The following DHX16 variants were observed in gnomAD, a reference collection of about 807,000 sequenced individuals.
DHX16 encodes DEAH-box helicase 16.
DHX16 carries 81 observed loss-of-function variants against 131.2 expected under a neutral mutation model. The observed-to-expected ratio is 0.62, with a 90% confidence interval of 0.52 to 0.74. The LOEUF (loss-of-function observed/expected upper bound fraction) is 0.74, where lower values mean the gene tolerates loss of function less well. Ranked by LOEUF, DHX16 falls within the 30% of genes least tolerant of loss-of-function variation. The probability of loss-of-function intolerance (pLI) is 0.00; values close to 1 mark genes in which losing one functional copy is unlikely to be tolerated. For synonymous variants in DHX16, 440 were observed against 520.2 expected, an observed-to-expected ratio of 0.85 and a Z score of 2.10; for missense variants, 980 against 1,363.1, an observed-to-expected ratio of 0.72 and a Z score of 4.43.
Position 30,671,109 on chromosome 6 carries a change from G to A in DHX16, c.373C>T (p.Arg125Trp), listed in dbSNP as rs367665735. ...GSSLQKKRKK[R>W]KHLRKKREEE... ...TCACGCTTCTTCCTGAGGTGTTTCC[G>A]CTTTTTACGTTTCTTCTGGAGGCTG... The change falls in exon 2 of 20, where the codon CGG (arginine) becomes TGG (tryptophan). Residue 125 changes from arginine to tryptophan, a missense_variant. Arg to Trp is a moderately radical substitution (Grantham distance 101). Around this residue, in one of 3 missense-constraint regions of DHX16, gnomAD observed 457 missense variants for 554.8 expected, o/e 0.82. Coordinates refer to ENST00000376442, the MANE Select transcript of DHX16 (RefSeq NM_003587.5). 5.0e-6 allele frequency: 8 copies of A among 1,612,838 alleles called. No individual in the cohort carries two copies. The highest frequency in any genetic ancestry group is 1.3e-5 in the African/African-American group (1 of 74,844).
intron 11 of DHX16, 26 bp from the exon 12 acceptor site, chr6:30,659,650 A>T: frequency 1.9e-6 from 3 of 1,613,826 alleles, no homozygotes; most frequent in Non-Finnish European, 2.5e-6. Context: ...GGAGAGCAGC[A>T]GGGGTCCCAG....
At position 30,656,146 on chromosome 6, in the gene DHX16, G is replaced by C. The variant is rs529483608; in HGVS notation, c.2498+52C>G. 1.3e-6 allele frequency: 2 copies of C among 1,555,432 alleles called. No individual in the cohort carries two copies. Among genetic ancestry groups the C allele is most frequent in the Non-Finnish European group, 1.8e-6 (2 of 1,131,406 alleles). On this transcript the variant is annotated intron_variant, in intron 16 of 19. Coordinates refer to ENST00000376442, the MANE Select transcript of DHX16 (RefSeq NM_003587.5). This position sits in a 1 kb window ranked among gnomAD's most constrained non-coding sequence, Gnocchi z 5.1. ...AGACAAAGGGGACCCTGGAGACAGA[G>C]GAGGCCTGGCCTGTTTGTGTGCTGG...
rs570434969 is a variant in DHX16 at position 30,661,349 on chromosome 6, C to T, written c.1545-1107G>A. 4.6e-5 allele frequency among the ~76,000 whole-genome samples: 7 copies of T among 152,248 alleles called. No homozygotes were observed. In the South Asian group the frequency reaches 1.5e-3, roughly 32 times the overall value. On this transcript the variant is annotated intron_variant, in intron 9 of 19. Coordinates refer to ENST00000376442, the MANE Select transcript of DHX16 (RefSeq NM_003587.5). ...CCGCCTGCCTCTGCCTCCCAAAGTG[C>T]TGGGATTACAGGCGTGAGCCACCGC...
At position 30,662,770 on chromosome 6, in the gene DHX16, G is replaced by A. The variant is rs749775891; in HGVS notation, c.1429-28C>T. Reference sequence around the variant, plus strand: ...GGTCAAGGGAACCATTAGCAACCAAGTGTGGGCTGGTGTGCCCTGAAAGGA... The same window carrying A: ...GGTCAAGGGAACCATTAGCAACCAAATGTGGGCTGGTGTGCCCTGAAAGGA... On this transcript the variant is annotated intron_variant, in intron 8 of 19. Transcript: ENST00000376442. The surrounding 1 kb of genome is among the most constrained non-coding windows in gnomAD (Gnocchi z 4.7). The A allele has an allele frequency of 2.6e-5, 42 of 1,600,204 alleles. 1 individual carries two copies. The South Asian group carries it at 4.6e-4, about 18-fold the overall frequency.
chr6:30,665,010 G>C lies in DHX16; in HGVS notation c.1126-18C>G. ...GACGGCTCCTAAGGAAAGAGAAGGA[G>C]GTGTGAGCTAAATAGCTCGCTACGG... On this transcript the variant is annotated intron_variant, in intron 6 of 19. Coordinates refer to ENST00000376442, the MANE Select transcript of DHX16 (RefSeq NM_003587.5). This position sits in a 1 kb window ranked among gnomAD's most constrained non-coding sequence, Gnocchi z 4.8. The C allele has an allele frequency of 6.2e-7, 1 of 1,613,766 alleles. No homozygotes were observed. Among genetic ancestry groups the C allele is most frequent in the East Asian group, 2.2e-5 (1 of 44,876 alleles).
chr6:30,654,556 A>C, intron 19 of DHX16, 150 bp downstream of exon 19: 1 of 820,916 alleles, frequency 1.2e-6, no homozygotes, highest in Non-Finnish European at 1.8e-6. Context: ...TCTCAAAAAA[A>C]ACAAAAAAAA....
At chr6:30,661,805 C>A (rs1193092629) in intron 9 of DHX16, 3 of 717,830 alleles carry the variant, frequency 4.2e-6, no homozygotes, top group Non-Finnish European at 5.2e-6. Flanking sequence ...CAGGCTGGCT[C>A]GATGGGCAAA....
intron 1 of DHX16, among the ~76,000 whole-genome samples, chr6:30,672,128 C>T (rs779320105): frequency 2.0e-3 from 300 of 151,508 alleles, no homozygotes; most frequent in Non-Finnish European, 4.0e-3. Context: ...GCGCAACACA[C>T]CAAGGCCTCA....
chr6:30,657,839 T>C (rs1432635481), intron 12 of DHX16, among the ~76,000 whole-genome samples: 1 of 152,150 alleles, frequency 6.6e-6, no homozygotes, highest in Non-Finnish European at 1.5e-5. Context: ...TTCATGCCAG[T>C]CCTCACTCCC....
Position 30,665,214 on chromosome 6 carries a change from G to A in DHX16, c.982C>T (p.Arg328Cys), listed in dbSNP as rs768020321. The change falls in exon 6 of 20, where the codon CGC (arginine) becomes TGC (cysteine). Residue 328 changes from arginine (R) to cysteine (C), a missense_variant. Coordinates refer to ENST00000376442, the MANE Select transcript of DHX16 (RefSeq NM_003587.5). This position sits in a 1 kb window ranked among gnomAD's most constrained non-coding sequence, Gnocchi z 4.8. ...GCCCCAAGCCGCGCCTCCTCCCAGC[G>A]CCGCTGCTCCTCCCCAGGGGCTCCT... is the stretch of plus-strand genomic sequence containing the variant. The part of the protein sequence containing the change: ...ESGAPGEEQR[R>C]WEEARLGAAS... 34 of 1,607,436 alleles carry A rather than the reference G, an allele frequency of 2.1e-5. No homozygotes were observed. Among genetic ancestry groups the A allele is most frequent in the Admixed American group, 5.0e-5 (3 of 59,890 alleles).
chr6:30,670,602 C>T lies in DHX16; in HGVS notation c.610-136G>A. On this transcript the variant is annotated intron_variant, in intron 3 of 19. Coordinates refer to ENST00000376442, the MANE Select transcript of DHX16 (RefSeq NM_003587.5). The surrounding 1 kb of genome is among the most constrained non-coding windows in gnomAD (Gnocchi z 4.4). ...TGTCCCCTCTCAGTGAGGAATCTCT[C>T]TGATTGCAGGTACAGCAGACAGTTG... 2 of 1,219,236 alleles carry T rather than the reference C, an allele frequency of 1.6e-6. No individual in the cohort carries two copies. Among genetic ancestry groups the T allele is most frequent in the South Asian group, 2.8e-5 (2 of 72,512 alleles). The allele number at this position is 1,219,236 out of a possible 1,614,324, so 75.5% of individuals were successfully genotyped here.
In DHX16 at chr6:30,670,658, C is replaced by T. The variant is rs1769447483; in HGVS notation, c.609+132G>A. ...GCCACAGGATGCACAGGGCTTCTCT[C>T]ACCACAGAGGTGAACATCTCACTAG... On this transcript the variant is annotated intron_variant, in intron 3 of 19. Coordinates refer to ENST00000376442, the MANE Select transcript of DHX16 (RefSeq NM_003587.5). This position sits in a 1 kb window ranked among gnomAD's most constrained non-coding sequence, Gnocchi z 4.4. The T allele has an allele frequency of 1.5e-6, 2 of 1,350,954 alleles. No individual in the cohort carries two copies. Among genetic ancestry groups the T allele is most frequent in the Non-Finnish European group, 2.0e-6 (2 of 976,850 alleles). 83.7% of individuals were successfully genotyped at this position (1,350,954 alleles called of 1,614,324 possible).
Position 30,664,807 on chromosome 6 carries a change from A to C in DHX16, c.1311T>G (p.Phe437Leu). 6.2e-7 allele frequency: 1 copy of C among 1,612,306 alleles called. No homozygotes were observed. The highest frequency in any genetic ancestry group is 8.5e-7 in the Non-Finnish European group (1 of 1,179,388). Residue 437 changes from phenylalanine (F) to leucine (L), a missense_variant, in exon 7 of 20, where the codon TTT (phenylalanine) becomes TTG (leucine). Phe to Leu is a conservative substitution (Grantham distance 22). Around this residue, in one of 3 missense-constraint regions of DHX16, gnomAD observed 309 missense variants for 537.1 expected, o/e 0.58. Coordinates refer to ENST00000376442, the MANE Select transcript of DHX16 (RefSeq NM_003587.5). ...AAGGGTGAGATGACTGTACCTCCTCAAAGAGATACTGCGGGATCTGGGTGG... is the reference window on the plus strand; with the variant it reads ...AAGGGTGAGATGACTGTACCTCCTCCAAGAGATACTGCGGGATCTGGGTGG... ...GKTTQIPQYL[F>L]EEGYTNKGMK...
chr6:30,662,691 G>A lies in DHX16; in HGVS notation c.1480C>T (p.Arg494Cys), dbSNP rs757933833. 2.0e-5 allele frequency: 33 copies of A among 1,612,998 alleles called. No homozygotes were observed. The highest frequency in any genetic ancestry group is 5.3e-5 in the African/African-American group (4 of 74,944). Residue 494 changes from arginine (R) to cysteine (C), a missense_variant, in exon 9 of 20, where the codon CGC becomes TGC. By Grantham distance (180) the Arg-to-Cys change is radical. Transcript: ENST00000376442. This position sits in a 1 kb window ranked among gnomAD's most constrained non-coding sequence, Gnocchi z 4.7. ...EDCTSERTVL[R>C]YMTDGMLLRE... Reference sequence around the variant, plus strand: ...AGAAGCATCCCATCTGTCATGTAGCGGAGGACAGTTCGCTCTGATGTGCAG... The same window carrying A: ...AGAAGCATCCCATCTGTCATGTAGCAGAGGACAGTTCGCTCTGATGTGCAG...
In DHX16 at chr6:30,665,866, T is replaced by C; in HGVS notation, c.667-133A>G. 1 of 1,153,798 alleles carries C rather than the reference T, an allele frequency of 8.7e-7. No homozygotes were observed. Among genetic ancestry groups the C allele is most frequent in the Non-Finnish European group, 1.2e-6 (1 of 835,072 alleles). 71.5% of individuals were successfully genotyped at this position (1,153,798 alleles called of 1,614,324 possible). A position where few individuals can be genotyped will look rare whatever the true frequency, so the allele number is the denominator to read the frequency against. On this transcript the variant is annotated intron_variant, in intron 4 of 19. Coordinates refer to ENST00000376442, the MANE Select transcript of DHX16 (RefSeq NM_003587.5). This position sits in a 1 kb window ranked among gnomAD's most constrained non-coding sequence, Gnocchi z 4.8. ...CAGGATGCACCCTCTACCTTCCCTC[T>C]GCAATGCACAACCAAAACAATGACA... is the stretch of plus-strand genomic sequence containing the variant.
chr6:30,656,821 T>TTA lies in DHX16; in HGVS notation c.2149-64_2149-63dup. ...GTCAGGGAAAAGAAAAAGGCAGTATTTATGCAAGAAATCTGGAAGGATGCA... is the reference window on the plus strand; with the variant it reads ...GTCAGGGAAAAGAAAAAGGCAGTATTTATATGCAAGAAATCTGGAAGGATGCA... On this transcript the variant is annotated intron_variant, in intron 13 of 19. Coordinates refer to ENST00000376442, the MANE Select transcript of DHX16 (RefSeq NM_003587.5). This position sits in a 1 kb window ranked among gnomAD's most constrained non-coding sequence, Gnocchi z 5.1. The TTA allele has an allele frequency of 6.2e-7, 1 of 1,604,638 alleles. No individual in the cohort carries two copies. The highest frequency in any genetic ancestry group is 8.5e-7 in the Non-Finnish European group (1 of 1,176,528).
At chr6:30,660,002 G>C in intron 10 of DHX16, 30 bp downstream of exon 10, 1 of 1,608,338 alleles carries the variant, frequency 6.2e-7, no homozygotes, top group Non-Finnish European at 8.5e-7. Flanking sequence ...TTCTGCCACA[G>C]ACTTAAGCCC....
intron 10 of DHX16, 24 bp from the exon 11 acceptor site, chr6:30,659,858 T>C (rs1424169629): frequency 6.2e-7 from 1 of 1,610,252 alleles, no homozygotes; most frequent in Admixed American, 1.7e-5. Context: ...AGAGATGGGG[T>C]CACAGGAGGG....
At chr6:30,666,293 T>C (rs982547961) in intron 4 of DHX16, among the ~76,000 whole-genome samples, 1 of 152,212 alleles carries the variant, frequency 6.6e-6, no homozygotes, top group Admixed American at 6.5e-5. Flanking sequence ...GTAAGGCAAA[T>C]GTAATCAGGG....
Sources: allele counts gnomAD v4.1 joint callset (sites outside exome capture counted in the v4.1 genomes callset), GRCh38; gene constraint gnomAD v4.1.1; regional missense constraint gnomAD v4.1.1; non-coding constraint Gnocchi (gnomAD v3.1); transcripts MANE v1.5; gene names NCBI Gene and HGNC (gene_info 2026-07-23, HGNC 2026-07-21).